The following ASB7 variants were observed in gnomAD, a reference collection of about 807,000 sequenced individuals.
The protein encoded by ASB7 is ankyrin repeat and SOCS box containing 7.
Under a neutral mutation model 32.5 loss-of-function variants are expected in ASB7, and 4 were observed. The observed-to-expected ratio is 0.12, with a 90% CI of 0.06 to 0.28. The LOEUF (loss-of-function observed/expected upper bound fraction) is 0.28. ASB7 is among the 10% of genes least tolerant of loss of function. ASB7 has a pLI of 1.00. For missense variants in ASB7, 181 were observed against 407.1 expected (o/e 0.44, Z 4.78); for synonymous variants, 172 against 155.6 (o/e 1.11, Z -0.78).
chr15:100,631,168 T>G (rs1207963107), intron 5 of ASB7, among the ~76,000 whole-genome samples: 2 of 152,230 alleles, frequency 1.3e-5, no homozygotes, highest in Non-Finnish European at 2.9e-5. Context: ...CACTGCTTAG[T>G]CTACTTAGTG....
chr15:100,636,214 G>C (rs2172577), intron 5 of ASB7, among the ~76,000 whole-genome samples: 152,190 of 152,358 alleles, frequency 1, 76,011 homozygotes, highest in Middle Eastern at 1. Flanking sequence ...TCTCCAAATT[G>C]TGTGGTGGAG....
At chr15:100,611,484 C>CTTTTTTTTCTTTTTTTTTTT in intron 3 of ASB7, among the ~76,000 whole-genome samples, 1 of 77,144 alleles carries the variant, frequency 1.3e-5, no homozygotes, top group Non-Finnish European at 2.3e-5. Context: ...TGTTTCGATT[C>CTTTTTTTTCTTTTTTTTTTT]TTTTTTTTTT....
intron 4 of ASB7, among the ~76,000 whole-genome samples, chr15:100,613,004 A>G (rs2039710105): frequency 2.0e-5 from 3 of 152,248 alleles, no homozygotes; most frequent in Admixed American, 2.0e-4. Context: ...TATTTGACAT[A>G]TTAATGTTTT....
At chr15:100,635,891 T>G (rs114746613) in intron 5 of ASB7, among the ~76,000 whole-genome samples, 3,512 of 152,246 alleles carry the variant, frequency 0.023, 125 homozygotes, top group African/African-American at 0.075. Flanking sequence ...CCCCCGGGGC[T>G]CGGGCCTTTG....
chr15:100,637,808 T>C (rs1441632762), intron 5 of ASB7, among the ~76,000 whole-genome samples: 1 of 152,240 alleles, frequency 6.6e-6, no homozygotes, highest in African/African-American at 2.4e-5. Context: ...GGTGCTTCAG[T>C]CAAGACAGCA....
intron 5 of ASB7, among the ~76,000 whole-genome samples, chr15:100,630,506 C>T (rs907691540): frequency 2.0e-5 from 3 of 152,184 alleles, no homozygotes; most frequent in African/African-American, 7.2e-5. Flanking sequence ...GGCTTTTCTG[C>T]TTCATGAGAG....
chr15:100,622,554 A>G (rs1291558215), intron 4 of ASB7, among the ~76,000 whole-genome samples: 1 of 152,222 alleles, frequency 6.6e-6, no homozygotes, highest in Non-Finnish European at 1.5e-5. Flanking sequence ...GGACTTCAAA[A>G]TATACTACAA....
At chr15:100,618,176 G>A (rs1012431931) in intron 4 of ASB7, among the ~76,000 whole-genome samples, 1 of 152,104 alleles carries the variant, frequency 6.6e-6, no homozygotes, top group African/African-American at 2.4e-5. Context: ...GAGTGCAGTG[G>A]CGTGATCTCA....
intron 3 of ASB7, among the ~76,000 whole-genome samples, chr15:100,611,484 C>CTGTTTTTTTTTTTTTTT (rs2039694528): frequency 1.3e-5 from 1 of 77,144 alleles, no homozygotes; most frequent in African/African-American, 4.9e-5. Flanking sequence ...TGTTTCGATT[C>CTGTTTTTTTTTTTTTTT]TTTTTTTTTT....
intron 3 of ASB7, among the ~76,000 whole-genome samples, chr15:100,610,620 C>G (rs1451724525): frequency 6.6e-6 from 1 of 152,074 alleles, no homozygotes; most frequent in Non-Finnish European, 1.5e-5. Flanking sequence ...GGTAATGACA[C>G]CATTTTCTAT....
rs2039564421 is a variant in ASB7 at position 100,602,849 on chromosome 15, C to G, written c.-470C>G. 1 of 394,250 alleles carries G rather than the reference C, an allele frequency of 2.5e-6. No individual in the cohort carries two copies. The allele number at this position is 394,250 out of a possible 1,614,324, so 24.4% of individuals were successfully genotyped here. On this transcript the variant is annotated 5_prime_UTR_variant, in exon 1 of 6. Transcript: ENST00000332783. Reference sequence around the variant, plus strand: ...CTCCCTGCCTCCCTGCACCTCTGCCCCAAGGCTGCCCGGCGGCCGGGATCG... The same window carrying G: ...CTCCCTGCCTCCCTGCACCTCTGCCGCAAGGCTGCCCGGCGGCCGGGATCG...
intron 5 of ASB7, among the ~76,000 whole-genome samples, chr15:100,631,363 T>G (rs2039882402): frequency 6.6e-6 from 1 of 152,202 alleles, no homozygotes; most frequent in African/African-American, 2.4e-5. Flanking sequence ...GTGGTTCCTT[T>G]GTTGGTCCAC....
At chr15:100,640,614 C>T (rs1416857545) in intron 5 of ASB7, among the ~76,000 whole-genome samples, 3 of 152,170 alleles carry the variant, frequency 2.0e-5, no homozygotes, top group Non-Finnish European at 4.4e-5. Context: ...CCAATTTCTA[C>T]CCCTCTCCAA....
At chr15:100,633,507 G>T (rs964958175) in intron 5 of ASB7, among the ~76,000 whole-genome samples, 1 of 152,106 alleles carries the variant, frequency 6.6e-6, no homozygotes, top group African/African-American at 2.4e-5. Context: ...AACCCAGGAG[G>T]CAGAGGTTGC....
Position 100,629,041 on chromosome 15 carries a change from C to T in ASB7, c.212-396C>T, listed in dbSNP as rs181361233. Among the ~76,000 whole-genome samples the T allele has an allele frequency of 2.6e-3, 394 of 151,972 alleles. 2 individuals are homozygous for T. Among genetic ancestry groups the T allele is most frequent in the African/African-American group, 8.6e-3 (356 of 41,408 alleles). ...TGCTACACATGCTTCTCTTTAAGAC[C>T]GAGAAGAAGCACAAGAGAAAATAAA... On this transcript the variant is annotated intron_variant, in intron 4 of 5. Transcript: ENST00000332783. This position sits in a 1 kb window ranked among gnomAD's most constrained non-coding sequence, Gnocchi z 6.8.
At chr15:100,605,590 G>T (rs532308528) in intron 2 of ASB7, among the ~76,000 whole-genome samples, 1 of 152,272 alleles carries the variant, frequency 6.6e-6, no homozygotes, top group Admixed American at 6.5e-5. Flanking sequence ...TCCCTAAAAA[G>T]TCTAAAGCCA....
At chr15:100,604,339 T>G (rs1053822474) in intron 2 of ASB7, among the ~76,000 whole-genome samples, 2 of 152,208 alleles carry the variant, frequency 1.3e-5, no homozygotes, top group Non-Finnish European at 2.9e-5. Context: ...TATACAAGGT[T>G]TAATTCCAAA....
intron 5 of ASB7, chr15:100,645,669 A>G: frequency 7.1e-7 from 1 of 1,400,036 alleles, no homozygotes; most frequent in Non-Finnish European, 1.0e-6. Context: ...GAGGTTAGGG[A>G]CGGCAACACG....
chr15:100,604,991 C>G (rs562736046), intron 2 of ASB7, among the ~76,000 whole-genome samples: 10 of 152,290 alleles, frequency 6.6e-5, no homozygotes, highest in African/African-American at 2.2e-4. Context: ...GCTTTCATTT[C>G]TAAAGAGTAG....
Sources: gnomAD v4.1 joint callset for allele counts (sites outside exome capture counted in the v4.1 genomes callset) on GRCh38, gnomAD v4.1.1 for gene constraint, Gnocchi (gnomAD v3.1) non-coding constraint, MANE v1.5 for transcripts, NCBI Gene and HGNC (gene_info 2026-07-23, HGNC 2026-07-21) for gene names.